ATP2B2: variants seen among roughly 807,000 people sequenced by gnomAD.
ATP2B2 encodes the protein plasma membrane calcium-transporting ATPase 2.
Under a neutral mutation model 120.0 loss-of-function variants are expected in ATP2B2, and 15 were observed. That is an observed-to-expected ratio of 0.12 (90% CI 0.08 to 0.19). The LOEUF is 0.19. ATP2B2 is among the 10% of genes least tolerant of loss of function. ATP2B2 has a pLI of 1.00. For missense variants in ATP2B2, 1,045 were observed against 1,719.8 expected (o/e 0.61, Z 6.94); for synonymous variants, 694 against 700.3 (o/e 0.99, Z 0.14).
At chr3:10,460,096 C>T (rs962967034) in intron 1 of ATP2B2, among the ~76,000 whole-genome samples, 10 of 152,202 alleles carry the variant, frequency 6.6e-5, no homozygotes, top group African/African-American at 2.4e-4. Flanking sequence ...AGGGCTGGGG[C>T]CTAGGGAGCT....
rs898463726 is a variant in ATP2B2 at position 10,481,777 on chromosome 3, C to T, written c.-320+23688G>A. 3.9e-5 allele frequency among the ~76,000 whole-genome samples: 6 copies of T among 152,206 alleles called. No individual in the cohort carries two copies. The South Asian group carries it at 1.2e-3, about 31-fold the overall frequency. ...CCATGTTGGCCAGGCTAGTCTCAAA[C>T]TCCTGACCTCAGGTGATCCTCCCGC... On this transcript the variant is annotated intron_variant, in intron 1 of 22. Coordinates refer to ENST00000360273, the MANE Select transcript of ATP2B2 (RefSeq NM_001001331.4).
chr3:10,528,895 C>T (rs1388190895), intron 3 of ATP2B2, among the ~76,000 whole-genome samples: 1 of 152,160 alleles, frequency 6.6e-6, no homozygotes, highest in African/African-American at 2.4e-5. Flanking sequence ...TGTAGGCTCT[C>T]AGTTCAAGCA....
chr3:10,566,766 T>C (rs1288324610), intron 2 of ATP2B2, among the ~76,000 whole-genome samples: 1 of 152,206 alleles, frequency 6.6e-6, no homozygotes, highest in Non-Finnish European at 1.5e-5. Flanking sequence ...GACATGCTGG[T>C]TCTGAGTTTT....
At chr3:10,360,341 T>A (rs1393349234) in intron 12 of ATP2B2, among the ~76,000 whole-genome samples, 1 of 152,206 alleles carries the variant, frequency 6.6e-6, no homozygotes, top group African/African-American at 2.4e-5. Flanking sequence ...GATTAGCTTT[T>A]AAAAAAATTA....
chr3:10,703,137 C>T (rs1575635418), intron 1 of ATP2B2, among the ~76,000 whole-genome samples: 1 of 152,224 alleles, frequency 6.6e-6, no homozygotes, highest in Admixed American at 6.5e-5. Flanking sequence ...GGAGACAATC[C>T]TCAGCGGCTC....
rs878210 is a variant in ATP2B2 at position 10,385,407 on chromosome 3, T to C, written c.941-80A>G. 0.011 allele frequency: 13,740 copies of C among 1,267,188 alleles called. 1,134 individuals are homozygous for C. The African/African-American group carries it at 0.17, about 16-fold the overall frequency. The allele number at this position is 1,267,188 out of a possible 1,614,324, so 78.5% of individuals were successfully genotyped here. On this transcript the variant is annotated intron_variant, in intron 7 of 22. Coordinates refer to ENST00000360273, the MANE Select transcript of ATP2B2 (RefSeq NM_001001331.4). ...AACGACAAAGACATGAACCAACTTG[T>C]GGGGAGATAACATGACTCTATTCTT...
At position 10,495,620 on chromosome 3, in the gene ATP2B2, C is replaced by G. The variant is rs1277978942; in HGVS notation, c.-320+9845G>C. Reference sequence around the variant, plus strand: ...GATGTCTCCACTCAGCTCAGAATTTCCTTCCCCTGAGGTCATGGGGCAGAC... The same window carrying G: ...GATGTCTCCACTCAGCTCAGAATTTGCTTCCCCTGAGGTCATGGGGCAGAC... On this transcript the variant is annotated intron_variant, in intron 1 of 22. Coordinates refer to ENST00000360273, the MANE Select transcript of ATP2B2 (RefSeq NM_001001331.4). Among the ~76,000 whole-genome samples, 47 of 152,220 alleles carry G rather than the reference C, an allele frequency of 3.1e-4. 1 individual carries two copies. Among genetic ancestry groups the G allele is most frequent in the Admixed American group, 3.1e-3 (47 of 15,286 alleles).
At chr3:10,621,980 C>T (rs2069564234) in intron 1 of ATP2B2, among the ~76,000 whole-genome samples, 1 of 152,248 alleles carries the variant, frequency 6.6e-6, no homozygotes, top group Non-Finnish European at 1.5e-5. Flanking sequence ...GTCATTGAGA[C>T]ACCCTCTGAC....
chr3:10,666,420 T>C (rs1484384015), intron 1 of ATP2B2, among the ~76,000 whole-genome samples: 1 of 152,144 alleles, frequency 6.6e-6, no homozygotes, highest in Non-Finnish European at 1.5e-5. Flanking sequence ...GTTTTCCTTC[T>C]CCCTGATACC....
rs1362734089 is a variant in ATP2B2, at chr3:10,477,289, T to A, written c.-319-27427A>T. On this transcript the variant is annotated intron_variant, in intron 1 of 22. Transcript: ENST00000360273. Reference sequence around the variant, plus strand: ...TACTTCTAGATGGGGAAGATGCTCTTCTGCGTTCGCTCTGGAAGTTTCATA... The same window carrying A: ...TACTTCTAGATGGGGAAGATGCTCTACTGCGTTCGCTCTGGAAGTTTCATA... Among the ~76,000 whole-genome samples, 6 of 152,368 alleles carry A rather than the reference T, an allele frequency of 3.9e-5. No individual in the cohort carries two copies. In the East Asian group the frequency reaches 1.2e-3, roughly 29 times the overall value.
Position 10,496,913 on chromosome 3 carries a change from T to C in ATP2B2, c.-320+8552A>G, listed in dbSNP as rs117778858. On this transcript the variant is annotated intron_variant, in intron 1 of 22. Coordinates refer to ENST00000360273, the MANE Select transcript of ATP2B2 (RefSeq NM_001001331.4). ...TCCAATCCACTTTGTGGCCCTAGCCTGTCTGGTGGCTGGACCAACGGGCCA... is the reference window on the plus strand; with the variant it reads ...TCCAATCCACTTTGTGGCCCTAGCCCGTCTGGTGGCTGGACCAACGGGCCA... 8.1e-4 allele frequency among the ~76,000 whole-genome samples: 123 copies of C among 151,182 alleles called. No homozygotes were observed. The East Asian group carries it at 0.02, about 25-fold the overall frequency.
At chr3:10,487,016 T>C (rs1479327019) in intron 1 of ATP2B2, among the ~76,000 whole-genome samples, 9 of 152,164 alleles carry the variant, frequency 5.9e-5, no homozygotes, top group Non-Finnish European at 1.2e-4. Flanking sequence ...GCGTGAGCCA[T>C]TGCGCCCAGC....
chr3:10,473,069 T>C (rs1471942094), intron 1 of ATP2B2, among the ~76,000 whole-genome samples: 1 of 152,194 alleles, frequency 6.6e-6, no homozygotes, highest in Non-Finnish European at 1.5e-5. Flanking sequence ...ATCATCTCCA[T>C]GTCTGTGTCT....
chr3:10,608,310 G>C (rs997377790), intron 2 of ATP2B2, among the ~76,000 whole-genome samples: 1 of 152,254 alleles, frequency 6.6e-6, no homozygotes, highest in Non-Finnish European at 1.5e-5. Context: ...TGTAGTCCCA[G>C]CTACTGGGGA....
At chr3:10,573,570 TC>T (rs1366505634) in intron 2 of ATP2B2, among the ~76,000 whole-genome samples, 2 of 152,196 alleles carry the variant, frequency 1.3e-5, no homozygotes, top group African/African-American at 2.4e-5. Flanking sequence ...TATTCCTGTG[TC>T]CCCATCCAGG....
intron 3 of ATP2B2, among the ~76,000 whole-genome samples, chr3:10,519,488 T>A (rs922937633): frequency 6.6e-6 from 1 of 152,168 alleles, no homozygotes; most frequent in Non-Finnish European, 1.5e-5. Context: ...TGCTGACGCA[T>A]GGCAGCATGG....
intron 1 of ATP2B2, among the ~76,000 whole-genome samples, chr3:10,503,983 G>A (rs2066498557): frequency 6.6e-6 from 1 of 152,232 alleles, no homozygotes; most frequent in Admixed American, 6.5e-5. Context: ...AGGTGCTGGG[G>A]TGTGGGCATG....
chr3:10,340,757 G>A lies in ATP2B2; in HGVS notation c.2918-53C>T. ...TGAAGGCAGTGGTGGGGGAATCAGA[G>A]GGGAGATGCCTGGCCTTTCGTGGGG... On this transcript the variant is annotated intron_variant, in intron 19 of 22. Transcript: ENST00000360273. The surrounding 1 kb of genome is among the most constrained non-coding windows in gnomAD (Gnocchi z 5.0). 2 of 1,590,206 alleles carry A rather than the reference G, an allele frequency of 1.3e-6. No homozygotes were observed. Among genetic ancestry groups the A allele is most frequent in the Non-Finnish European group, 8.6e-7 (1 of 1,158,952 alleles).
chr3:10,466,698 T>G (rs555275103), intron 1 of ATP2B2, among the ~76,000 whole-genome samples: 1 of 152,352 alleles, frequency 6.6e-6, no homozygotes, highest in African/African-American at 2.4e-5. Flanking sequence ...CAGGAAAATC[T>G]GCCATTCAGG....
Sources: allele counts gnomAD v4.1 joint callset (sites outside exome capture counted in the v4.1 genomes callset), GRCh38; gene constraint gnomAD v4.1.1; non-coding constraint Gnocchi (gnomAD v3.1); transcripts MANE v1.5; gene names NCBI Gene and HGNC (gene_info 2026-07-23, HGNC 2026-07-21).